The following CADPS2 variants were observed in gnomAD, a reference collection of about 807,000 sequenced individuals.
The protein encoded by CADPS2 is calcium-dependent secretion activator 2.
A neutral mutation model predicts 172.5 loss-of-function variants in CADPS2; 93 were observed. That is an observed-to-expected ratio of 0.54 (90% confidence interval 0.46 to 0.64). CADPS2 has a LOEUF of 0.64. Among genes scored for constraint, CADPS2 ranks in the 30% least tolerant of loss-of-function variants. CADPS2 has a pLI of 0.00. For synonymous variants in CADPS2, 546 were observed against 555.2 expected (o/e 0.98, Z 0.23); for missense variants, 1,420 against 1,565.9 (o/e 0.91, Z 1.57).
chr7:122,571,356 A>G (rs2067230641), intron 7 of CADPS2, among the ~76,000 whole-genome samples: 1 of 152,200 alleles, frequency 6.6e-6, no homozygotes, highest in Non-Finnish European at 1.5e-5. Flanking sequence ...TACCCGAGAC[A>G]GAGGAAAACC....
chr7:122,780,880 A>G (rs1315300166), intron 1 of CADPS2, among the ~76,000 whole-genome samples: 1 of 144,144 alleles, frequency 6.9e-6, no homozygotes, highest in Non-Finnish European at 1.5e-5. Context: ...GTTTTATGTG[A>G]CTACAAACAA....
chr7:122,482,914 G>A (rs2057449035), intron 11 of CADPS2, among the ~76,000 whole-genome samples: 1 of 152,188 alleles, frequency 6.6e-6, no homozygotes, highest in Non-Finnish European at 1.5e-5. Flanking sequence ...GAAAGGGAAA[G>A]AAGCAATCTA....
chr7:122,695,180 C>T (rs2084912221), intron 2 of CADPS2, among the ~76,000 whole-genome samples: 1 of 152,170 alleles, frequency 6.6e-6, no homozygotes, highest in African/African-American at 2.4e-5. Context: ...TGGAGTGAGT[C>T]ATTTCACCTA....
At chr7:122,427,443 G>A (rs929582322) in intron 17 of CADPS2, 10 of 152,140 alleles carry the variant, frequency 6.6e-5, no homozygotes, top group Non-Finnish European at 7.4e-5. Context: ...ACAATAAAGA[G>A]TACTAAATTT....
chr7:122,573,683 C>T (rs2067575983), intron 7 of CADPS2, among the ~76,000 whole-genome samples: 2 of 152,062 alleles, frequency 1.3e-5, no homozygotes, highest in African/African-American at 4.8e-5. Context: ...TACCATTCAA[C>T]AAACTAAATA....
intron 17 of CADPS2, among the ~76,000 whole-genome samples, chr7:122,431,746 T>C (rs1382016853): frequency 1.3e-5 from 2 of 152,076 alleles, no homozygotes; most frequent in Non-Finnish European, 2.9e-5. Flanking sequence ...ATCCCAGCAC[T>C]TTGGGAGGCC....
At chr7:122,395,666 T>C (rs1040494047) in intron 20 of CADPS2, 2 of 152,220 alleles carry the variant, frequency 1.3e-5, no homozygotes, top group East Asian at 1.9e-4. Context: ...TCTGAATTTA[T>C]TGGGTCTCTA....
At chr7:122,407,769 T>A in intron 19 of CADPS2, 73 bp from the exon 20 acceptor site, 3 of 1,352,848 alleles carry the variant, frequency 2.2e-6, no homozygotes, top group Non-Finnish European at 3.1e-6. Flanking sequence ...CTGTGCCAGT[T>A]GAAAATATTT....
At chr7:122,409,319 C>A (rs1337653114) in intron 19 of CADPS2, among the ~76,000 whole-genome samples, 1 of 152,106 alleles carries the variant, frequency 6.6e-6, no homozygotes, top group Non-Finnish European at 1.5e-5. Flanking sequence ...CAGTTCACAG[C>A]CAATATCTTT....
chr7:122,719,600 T>A (rs1212004295), intron 2 of CADPS2, among the ~76,000 whole-genome samples: 1 of 152,160 alleles, frequency 6.6e-6, no homozygotes, highest in Non-Finnish European at 1.5e-5. Context: ...GTTCTTCACA[T>A]CCATCTACAA....
chr7:122,663,385 C>A lies in CADPS2; in HGVS notation c.638G>T (p.Gly213Val). 2 of 1,613,962 alleles carry A rather than the reference C, an allele frequency of 1.2e-6. No homozygotes were observed. Among genetic ancestry groups the A allele is most frequent in the Non-Finnish European group, 1.7e-6 (2 of 1,179,890 alleles). Residue 213 changes from glycine to valine, a missense_variant, in exon 3 of 30, where the codon GGT becomes GTT. Gly to Val is a moderately radical substitution (Grantham distance 109). Transcript: ENST00000449022. ...TGGCTGTTTGCACAAGTCCTCTTCACCTCTGTAAATGGCATCATATTTGGC... is the reference window on the plus strand; with the variant it reads ...TGGCTGTTTGCACAAGTCCTCTTCAACTCTGTAAATGGCATCATATTTGGC... Reference protein sequence around the residue: ...WIAKYDAIYRGEEDLCKQPNR... With the variant: ...WIAKYDAIYRVEEDLCKQPNR...
chr7:122,404,300 A>G (rs1051751336), intron 20 of CADPS2, among the ~76,000 whole-genome samples: 4 of 152,150 alleles, frequency 2.6e-5, no homozygotes, highest in Non-Finnish European at 5.9e-5. Flanking sequence ...AGCTTCATCC[A>G]TGTCCCTACA....
At chr7:122,803,458 A>T (rs181416194) in intron 1 of CADPS2, among the ~76,000 whole-genome samples, 65 of 152,302 alleles carry the variant, frequency 4.3e-4, no homozygotes, top group African/African-American at 1.5e-3. Context: ...GTCTGAAAGA[A>T]CGCTACATTG....
chr7:122,670,334 T>C (rs957183394), intron 2 of CADPS2, among the ~76,000 whole-genome samples: 7 of 151,950 alleles, frequency 4.6e-5, no homozygotes. Context: ...TCCTAGCACT[T>C]TGGGAGGCCA....
intron 7 of CADPS2, among the ~76,000 whole-genome samples, chr7:122,572,546 A>T (rs1054598870): frequency 2.0e-5 from 3 of 152,132 alleles, no homozygotes; most frequent in African/African-American, 4.8e-5. Flanking sequence ...CCCTCCAAAA[A>T]TTTTTTTGTA....
intron 8 of CADPS2, among the ~76,000 whole-genome samples, chr7:122,541,706 C>A (rs888145254): frequency 3.5e-5 from 5 of 140,878 alleles, no homozygotes; most frequent in South Asian, 2.2e-4. Flanking sequence ...TTTATATATT[C>A]ATATATTTAC....
intron 8 of CADPS2, among the ~76,000 whole-genome samples, chr7:122,543,665 A>G (rs1251721689): frequency 6.6e-6 from 1 of 152,114 alleles, no homozygotes; most frequent in Non-Finnish European, 1.5e-5. Context: ...TGGGAACACA[A>G]TTTGGGATTC....
chr7:122,404,890 C>T (rs1179450110), intron 20 of CADPS2, among the ~76,000 whole-genome samples: 1 of 151,950 alleles, frequency 6.6e-6, no homozygotes, highest in Non-Finnish European at 1.5e-5. Flanking sequence ...CTTTGGGAGG[C>T]CGAGGTGGGG....
At chr7:122,781,238 T>A (rs1390948262) in intron 1 of CADPS2, among the ~76,000 whole-genome samples, 1 of 152,208 alleles carries the variant, frequency 6.6e-6, no homozygotes, top group Admixed American at 6.5e-5. Flanking sequence ...TATTAAAATA[T>A]CTTTTCCTTA....
Sources: allele counts gnomAD v4.1 joint callset (sites outside exome capture counted in the v4.1 genomes callset), GRCh38; gene constraint gnomAD v4.1.1; transcripts MANE v1.5; gene names NCBI Gene and HGNC (gene_info 2026-07-23, HGNC 2026-07-21).